Variants in FOXP1 observed in about 807,000 individuals in gnomAD.
FOXP1 encodes forkhead box P1.
A neutral mutation model predicts 98.2 loss-of-function variants in FOXP1; 15 were observed. That is an observed-to-expected ratio of 0.15 (90% CI 0.10 to 0.24). The LOEUF is 0.24. Among genes scored for constraint, FOXP1 ranks in the 10% least tolerant of loss-of-function variants. The pLI is 1.00. For missense variants in FOXP1, 633 were observed against 848.5 expected (o/e 0.75, Z 3.15); for synonymous variants, 371 against 314.5 (o/e 1.18, Z -1.90).
chr3:71,309,315 C>T (rs1306640147), intron 4 of FOXP1, among the ~76,000 whole-genome samples: 1 of 151,948 alleles, frequency 6.6e-6, no homozygotes, highest in Non-Finnish European at 1.5e-5. Context: ...CTGATTCTCT[C>T]AACTATTTAC....
At chr3:71,183,499 A>AAAAAC (rs1343911133) in intron 6 of FOXP1, among the ~76,000 whole-genome samples, 1 of 152,168 alleles carries the variant, frequency 6.6e-6, no homozygotes, top group African/African-American at 2.4e-5. Flanking sequence ...ACCCTGTCTC[A>AAAAAC]AAAACAAAAC....
At chr3:71,279,269 A>G (rs1375232731) in intron 5 of FOXP1, among the ~76,000 whole-genome samples, 2 of 152,148 alleles carry the variant, frequency 1.3e-5, no homozygotes, top group Non-Finnish European at 2.9e-5. Context: ...ATATAAATCA[A>G]TACATGTTTA....
At chr3:70,981,978 C>G (rs1392263854) in intron 14 of FOXP1, among the ~76,000 whole-genome samples, 1 of 152,168 alleles carries the variant, frequency 6.6e-6, no homozygotes, top group Non-Finnish European at 1.5e-5. Context: ...AAATGTCAAC[C>G]TTGTCAACTG....
intron 20 of FOXP1, among the ~76,000 whole-genome samples, chr3:70,963,289 G>T (rs2033991540): frequency 6.6e-6 from 1 of 152,172 alleles, no homozygotes; most frequent in African/African-American, 2.4e-5. Flanking sequence ...AGACAGTAAG[G>T]TTTCGAAACT....
At chr3:71,285,370 G>A (rs971424144) in intron 5 of FOXP1, among the ~76,000 whole-genome samples, 1 of 152,084 alleles carries the variant, frequency 6.6e-6, no homozygotes, top group Non-Finnish European at 1.5e-5. Context: ...TTGTCAACCA[G>A]CAGGATAATT....
In FOXP1 at chr3:71,304,232, C is replaced by T. The variant is rs140929112; in HGVS notation, c.-72-4352G>A. On this transcript the variant is annotated intron_variant, in intron 4 of 20. Transcript: ENST00000649528. Reference sequence around the variant, plus strand: ...CAGGCTGGCAGCCCCCCACTCACTCCACATCGGCCCATCTCATTTGGAAAA... The same window carrying T: ...CAGGCTGGCAGCCCCCCACTCACTCTACATCGGCCCATCTCATTTGGAAAA... Among the ~76,000 whole-genome samples the T allele has an allele frequency of 4.9e-4, 74 of 152,266 alleles. 1 individual carries two copies. In the East Asian group the frequency reaches 8.3e-3, roughly 17 times the overall value.
intron 3 of FOXP1, among the ~76,000 whole-genome samples, chr3:71,460,220 G>A (rs1342939507): frequency 6.7e-6 from 1 of 148,480 alleles, no homozygotes; most frequent in Non-Finnish European, 1.5e-5. Flanking sequence ...TGGTCTAGAG[G>A]AGTAAAGGCT....
chr3:71,511,348 G>A (rs191840874), intron 2 of FOXP1, among the ~76,000 whole-genome samples: 15 of 152,254 alleles, frequency 9.9e-5, no homozygotes, highest in Admixed American at 9.8e-4. Flanking sequence ...AGCCTCACTT[G>A]TCATAATTCA....
intron 7 of FOXP1, among the ~76,000 whole-genome samples, chr3:71,055,082 CATA>C (rs746357605): frequency 9.9e-5 from 15 of 152,126 alleles, no homozygotes; most frequent in Non-Finnish European, 1.8e-4. Flanking sequence ...TTTTATGTAA[CATA>C]ATGTCTTAAT....
At chr3:71,197,919 G>C (rs761124026) in intron 6 of FOXP1, 1 of 1,614,186 alleles carries the variant, frequency 6.2e-7, no homozygotes, top group Non-Finnish European at 8.5e-7. Context: ...ATGGGGAAGG[G>C]TTAGGCTGAC....
chr3:71,204,577 C>T (rs2063894078), intron 5 of FOXP1, among the ~76,000 whole-genome samples: 1 of 152,146 alleles, frequency 6.6e-6, no homozygotes. Flanking sequence ...TTTTACACTG[C>T]TCACCCGTCA....
intron 4 of FOXP1, among the ~76,000 whole-genome samples, chr3:71,349,140 A>G (rs974394341): frequency 1.3e-5 from 2 of 150,962 alleles, no homozygotes; most frequent in Admixed American, 6.7e-5. Context: ...TGCATCCATC[A>G]TATTTGTATA....
Position 71,237,231 on chromosome 3 carries a change from G to GAAAAAAAAAAAAAAAAAA in FOXP1, c.-11-38857_-11-38840dup, listed in dbSNP as rs757405755. ...TGGGCGACAGAGCAAGACTCCATCT[G>GAAAAAAAAAAAAAAAAAA]AAAAAAAAAAAAAAAAAAAAAAAAA... On this transcript the variant is annotated intron_variant, in intron 5 of 20. Coordinates refer to ENST00000649528, the MANE Select transcript of FOXP1 (RefSeq NM_001349338.3). Among the ~76,000 whole-genome samples the GAAAAAAAAAAAAAAAAAA allele has an allele frequency of 1.8e-4, 5 of 28,270 alleles. 2 individuals carry two copies. Among genetic ancestry groups the GAAAAAAAAAAAAAAAAAA allele is most frequent in the Non-Finnish European group, 2.9e-4 (5 of 17,164 alleles). 18.5% of individuals were successfully genotyped at this position (28,270 alleles called of 152,430 possible).
chr3:71,538,174 T>C (rs1306567078), intron 2 of FOXP1, among the ~76,000 whole-genome samples: 2 of 152,236 alleles, frequency 1.3e-5, no homozygotes, highest in African/African-American at 2.4e-5. Flanking sequence ...TTTATTAAGA[T>C]ACAATTCACA....
At chr3:70,981,202 A>T (rs1040400856) in intron 14 of FOXP1, among the ~76,000 whole-genome samples, 2 of 150,318 alleles carry the variant, frequency 1.3e-5, no homozygotes, top group African/African-American at 4.9e-5. Flanking sequence ...AAAAAAAAAA[A>T]AAAAAAAAAA....
intron 3 of FOXP1, among the ~76,000 whole-genome samples, chr3:71,378,351 G>T (rs914216744): frequency 1.3e-5 from 2 of 150,140 alleles, no homozygotes; most frequent in African/African-American, 2.4e-5. Flanking sequence ...TGTTATCCAC[G>T]GGTTGTGCTT....
chr3:71,409,590 G>GAAAAA (rs113333779), intron 3 of FOXP1, among the ~76,000 whole-genome samples: 1 of 145,734 alleles, frequency 6.9e-6, no homozygotes, highest in Non-Finnish European at 1.5e-5. Context: ...ATTTACTTTG[G>GAAAAA]AAAAAAAAAA....
chr3:71,261,062 C>T (rs1467941906), intron 5 of FOXP1, among the ~76,000 whole-genome samples: 1 of 152,058 alleles, frequency 6.6e-6, no homozygotes, highest in Non-Finnish European at 1.5e-5. Context: ...AGCAGGAGTC[C>T]CCTGGGCACA....
chr3:71,432,335 C>T (rs1038893778), intron 3 of FOXP1, among the ~76,000 whole-genome samples: 1 of 152,174 alleles, frequency 6.6e-6, no homozygotes, highest in Middle Eastern at 3.2e-3. Context: ...ATCTCCTCCC[C>T]GGCCCTGCAC....
Sources: gnomAD v4.1 joint callset for allele counts (sites outside exome capture counted in the v4.1 genomes callset) on GRCh38, gnomAD v4.1.1 for gene constraint, MANE v1.5 for transcripts, NCBI Gene and HGNC (gene_info 2026-07-23, HGNC 2026-07-21) for gene names.